ARID2: variants seen among roughly 807,000 people sequenced by gnomAD.
ARID2 encodes the protein AT-rich interaction domain 2.
A neutral mutation model predicts 184.6 loss-of-function variants in ARID2; 32 were observed. That is an observed-to-expected ratio of 0.17 (90% CI 0.13 to 0.23). The LOEUF is 0.23. Ranked by LOEUF, ARID2 falls within the 10% of genes least tolerant of loss-of-function variation. The pLI is 1.00. For synonymous variants in ARID2, 836 were observed against 772.6 expected (o/e 1.08, Z -1.36); for missense variants, 1,696 against 2,197.6 (o/e 0.77, Z 4.56).
intron 15 of ARID2, among the ~76,000 whole-genome samples, chr12:45,854,893 A>G (rs1445240341): frequency 6.6e-6 from 1 of 152,210 alleles, no homozygotes; most frequent in East Asian, 1.9e-4. Context: ...TATTATAAAG[A>G]TGAGGACTCA....
At chr12:45,842,672 G>T (rs927922164) in intron 11 of ARID2, among the ~76,000 whole-genome samples, 1 of 151,592 alleles carries the variant, frequency 6.6e-6, no homozygotes, top group Non-Finnish European at 1.5e-5. Flanking sequence ...CAGGAGAATT[G>T]CTTGAACCAG....
intron 15 of ARID2, among the ~76,000 whole-genome samples, chr12:45,854,922 C>T (rs928931287): frequency 6.6e-6 from 1 of 152,106 alleles, no homozygotes; most frequent in Non-Finnish European, 1.5e-5. Flanking sequence ...AGTAACTTGC[C>T]CAAGGTTACC....
chr12:45,844,189 CACCAA>C (rs1943402381), intron 11 of ARID2, among the ~76,000 whole-genome samples: 1 of 152,008 alleles, frequency 6.6e-6, no homozygotes, highest in African/African-American at 2.4e-5. Flanking sequence ...AAGTACATGC[CACCAA>C]GTCTGGCTAA....
At chr12:45,806,613 G>T (rs7316454) in intron 3 of ARID2, among the ~76,000 whole-genome samples, 21,794 of 152,042 alleles carry the variant, frequency 0.14, 2,022 homozygotes, top group Middle Eastern at 0.21. Context: ...TTACCGATGT[G>T]ATCTACATTG....
At chr12:45,745,617 G>A (rs906763678) in intron 3 of ARID2, among the ~76,000 whole-genome samples, 2 of 152,032 alleles carry the variant, frequency 1.3e-5, no homozygotes, top group African/African-American at 2.4e-5. Context: ...GCGCAATCTC[G>A]GCTCACTGCA....
chr12:45,807,892 CAA>C (rs1481746567), intron 3 of ARID2, among the ~76,000 whole-genome samples: 1 of 152,158 alleles, frequency 6.6e-6, no homozygotes, highest in Non-Finnish European at 1.5e-5. Context: ...TAAATTTCCC[CAA>C]AGTCACTGTA....
intron 3 of ARID2, among the ~76,000 whole-genome samples, chr12:45,768,972 G>C (rs1372780357): frequency 6.6e-6 from 1 of 152,172 alleles, no homozygotes; most frequent in African/African-American, 2.4e-5. Flanking sequence ...TGTGCCTCCT[G>C]AGGAGGAACA....
intron 16 of ARID2, among the ~76,000 whole-genome samples, chr12:45,862,881 T>TA (rs2138194740): frequency 7.5e-6 from 1 of 134,156 alleles, no homozygotes; most frequent in African/African-American, 2.7e-5. Flanking sequence ...CAGGGCTTCT[T>TA]AGAGCATGCC....
chr12:45,786,221 T>A (rs1942194499), intron 3 of ARID2, among the ~76,000 whole-genome samples: 1 of 152,146 alleles, frequency 6.6e-6, no homozygotes, highest in South Asian at 2.1e-4. Context: ...AGTAAGTCCT[T>A]TGATCCTTTT....
At chr12:45,829,681 T>C (rs964223255) in intron 6 of ARID2, among the ~76,000 whole-genome samples, 1 of 151,834 alleles carries the variant, frequency 6.6e-6, no homozygotes, top group Non-Finnish European at 1.5e-5. Flanking sequence ...TCTTCTAGGT[T>C]ATCTTGTCTT....
intron 3 of ARID2, among the ~76,000 whole-genome samples, chr12:45,738,083 T>G (rs1941165444): frequency 6.7e-6 from 1 of 150,352 alleles, no homozygotes; most frequent in African/African-American, 2.5e-5. Flanking sequence ...ATATGTATGG[T>G]TTTTTTTTCT....
chr12:45,805,841 A>G (rs921339962), intron 3 of ARID2, among the ~76,000 whole-genome samples: 2 of 152,098 alleles, frequency 1.3e-5, no homozygotes, highest in East Asian at 1.9e-4. Flanking sequence ...CCCATCCTGT[A>G]TATTAGATCT....
At chr12:45,879,948 A>T (rs752950643) in intron 16 of ARID2, among the ~76,000 whole-genome samples, 1 of 152,164 alleles carries the variant, frequency 6.6e-6, no homozygotes, top group Non-Finnish European at 1.5e-5. Context: ...AGTGGAGTTT[A>T]TATTAAGTGT....
At chr12:45,759,862 T>C (rs577026019) in intron 3 of ARID2, among the ~76,000 whole-genome samples, 11 of 152,282 alleles carry the variant, frequency 7.2e-5, no homozygotes, top group African/African-American at 2.6e-4. Context: ...CTGGCCTAAG[T>C]GCATATAAAA....
rs1943340801 is a variant in ARID2, at chr12:45,841,446, C to A, written c.1498+1950C>A. On this transcript the variant is annotated intron_variant, in intron 11 of 20. Coordinates refer to ENST00000334344, the MANE Select transcript of ARID2 (RefSeq NM_152641.4). ...GAGAGCACTTTATTACTTGTGCTCTCCCTGAATGACAACTTTAAATTGTTT... is the reference window on the plus strand; with the variant it reads ...GAGAGCACTTTATTACTTGTGCTCTACCTGAATGACAACTTTAAATTGTTT... 5 of 151,148 alleles carry A rather than the reference C, an allele frequency of 3.3e-5. No individual in the cohort carries two copies. In the South Asian group the frequency reaches 1.0e-3, roughly 31 times the overall value. 9.4% of individuals were successfully genotyped at this position (151,148 alleles called of 1,614,324 possible). A position where few individuals can be genotyped will look rare whatever the true frequency, so the allele number is the denominator to read the frequency against.
At chr12:45,823,454 A>C (rs1942936388) in intron 6 of ARID2, among the ~76,000 whole-genome samples, 1 of 152,104 alleles carries the variant, frequency 6.6e-6, no homozygotes, top group Non-Finnish European at 1.5e-5. Flanking sequence ...TAAAGATCAG[A>C]CCAGAACTAA....
chr12:45,895,259 C>T (rs946872246), intron 20 of ARID2, among the ~76,000 whole-genome samples: 3 of 152,172 alleles, frequency 2.0e-5, no homozygotes, highest in Non-Finnish European at 4.4e-5. Flanking sequence ...ATAACCTCTA[C>T]CTCCTATTCA....
intron 3 of ARID2, among the ~76,000 whole-genome samples, chr12:45,761,605 T>A (rs777733390): frequency 4.6e-5 from 7 of 152,180 alleles, no homozygotes; most frequent in Non-Finnish European, 8.8e-5. Flanking sequence ...ACCCTGCTCT[T>A]TTTTAGGTGA....
intron 3 of ARID2, among the ~76,000 whole-genome samples, chr12:45,762,917 T>C (rs1941707278): frequency 6.6e-6 from 1 of 152,238 alleles, no homozygotes; most frequent in African/African-American, 2.4e-5. Flanking sequence ...CTGGTTACAG[T>C]ATATTTAAAA....
Sources: gnomAD v4.1 joint callset for allele counts (sites outside exome capture counted in the v4.1 genomes callset) on GRCh38, gnomAD v4.1.1 for gene constraint, MANE v1.5 for transcripts, NCBI Gene and HGNC (gene_info 2026-07-23, HGNC 2026-07-21) for gene names.